MAML3: variants seen among roughly 807,000 people sequenced by gnomAD.
The protein encoded by MAML3 is mastermind like transcriptional coactivator 3.
Under a neutral mutation model 101.9 loss-of-function variants are expected in MAML3, and 27 were observed. The ratio of observed to expected loss-of-function variants is 0.27; its 90% CI spans 0.20 to 0.37. The LOEUF (loss-of-function observed/expected upper bound fraction) is 0.37. Among genes scored for constraint, MAML3 ranks in the 10% least tolerant of loss-of-function variants. The pLI is 1.00. For synonymous variants in MAML3, 501 were observed against 555.9 expected (o/e 0.90, Z 1.39); for missense variants, 1,316 against 1,444.9 (o/e 0.91, Z 1.45).
chr4:140,118,893 G>A (rs1020798731), intron 1 of MAML3, among the ~76,000 whole-genome samples: 4 of 152,042 alleles, frequency 2.6e-5, no homozygotes, highest in East Asian at 1.9e-4. Context: ...GGCCTCTGAC[G>A]GCACACACAG....
chr4:140,065,358 G>A (rs572472376), intron 1 of MAML3, among the ~76,000 whole-genome samples: 3 of 151,688 alleles, frequency 2.0e-5, no homozygotes, highest in East Asian at 1.9e-4. Context: ...TTATAGAAGC[G>A]GAAAGAAAAG....
At chr4:139,782,220 T>A (rs1054453311) in intron 2 of MAML3, among the ~76,000 whole-genome samples, 1 of 152,190 alleles carries the variant, frequency 6.6e-6, no homozygotes, top group Non-Finnish European at 1.5e-5. Flanking sequence ...TGGAGTGTAG[T>A]GGCACAATGA....
chr4:140,109,205 G>C (rs1184960625), intron 1 of MAML3, among the ~76,000 whole-genome samples: 1 of 152,104 alleles, frequency 6.6e-6, no homozygotes, highest in Non-Finnish European at 1.5e-5. Context: ...AACTATGCTT[G>C]ACAAAAAGGA....
intron 1 of MAML3, among the ~76,000 whole-genome samples, chr4:139,961,654 C>T (rs1001262426): frequency 1.3e-5 from 2 of 152,158 alleles, no homozygotes; most frequent in Non-Finnish European, 2.9e-5. Flanking sequence ...GCTGTTTTCA[C>T]GTGTGACTTC....
chr4:139,938,702 T>TA (rs1733549367), intron 1 of MAML3, among the ~76,000 whole-genome samples: 1 of 152,106 alleles, frequency 6.6e-6, no homozygotes, highest in Non-Finnish European at 1.5e-5. Context: ...ACTCTAAATT[T>TA]AAAAAAATGG....
intron 1 of MAML3, among the ~76,000 whole-genome samples, chr4:140,129,539 T>C (rs1406782525): frequency 6.6e-6 from 1 of 152,166 alleles, no homozygotes; most frequent in Non-Finnish European, 1.5e-5. Context: ...CTTGGTTCTC[T>C]GAAAAGACAG....
chr4:139,753,341 A>AATCAATCTATCT (rs1553954173), intron 2 of MAML3, among the ~76,000 whole-genome samples: 2 of 146,578 alleles, frequency 1.4e-5, no homozygotes, highest in Admixed American at 6.9e-5. Flanking sequence ...TTTTCTTTTT[A>AATCAATCTATCT]ATCTATCTAT....
At chr4:140,006,875 T>G (rs369107645) in intron 1 of MAML3, among the ~76,000 whole-genome samples, 22 of 152,296 alleles carry the variant, frequency 1.4e-4, no homozygotes, top group African/African-American at 5.3e-4. Flanking sequence ...TCCAAGTACT[T>G]TGGATATATT....
intron 1 of MAML3, among the ~76,000 whole-genome samples, chr4:140,035,237 G>T (rs556257622): frequency 6.6e-6 from 1 of 152,246 alleles, no homozygotes; most frequent in East Asian, 1.9e-4. Context: ...GTCTCCAAAA[G>T]TGCTGGGATT....
At chr4:139,806,159 T>C (rs1439322197) in intron 2 of MAML3, among the ~76,000 whole-genome samples, 2 of 152,170 alleles carry the variant, frequency 1.3e-5, no homozygotes, top group African/African-American at 4.8e-5. Flanking sequence ...ATAGTTTTCA[T>C]TGCATAAATT....
chr4:139,891,080 G>T, intron 1 of MAML3, 113 bp from the exon 2 acceptor site: 1 of 1,222,038 alleles, frequency 8.2e-7, no homozygotes, highest in Non-Finnish European at 1.1e-6. Flanking sequence ...CGACACACAG[G>T]AAAGAAGTCA....
intron 1 of MAML3, among the ~76,000 whole-genome samples, chr4:140,034,180 G>C (rs375769570): frequency 6.6e-6 from 1 of 152,294 alleles, no homozygotes; most frequent in South Asian, 2.1e-4. Context: ...GGGTTTCTGC[G>C]TTCTTGTCTA....
At chr4:139,744,544 T>C (rs992176005) in intron 2 of MAML3, among the ~76,000 whole-genome samples, 1 of 152,180 alleles carries the variant, frequency 6.6e-6, no homozygotes, top group African/African-American at 2.4e-5. Context: ...TAGAACACAA[T>C]GTGTGGCGTG....
At chr4:139,790,216 CAT>C (rs367675413) in intron 2 of MAML3, among the ~76,000 whole-genome samples, 3,810 of 110,190 alleles carry the variant, frequency 0.035, 75 homozygotes, top group Middle Eastern at 0.083. Context: ...ACCCTAGTGA[CAT>C]ATATATATAT....
chr4:139,941,542 TTGGTGG>T (rs1211508247), intron 1 of MAML3, among the ~76,000 whole-genome samples: 5 of 115,348 alleles, frequency 4.3e-5, no homozygotes, highest in South Asian at 2.6e-4. Context: ...GTTGTTGTTG[TTGGTGG>T]TGGTGGTGGT....
At position 139,757,609 on chromosome 4, in the gene MAML3, C is replaced by G. The variant is rs1729678635; in HGVS notation, c.2080-26942G>C. On this transcript the variant is annotated intron_variant, in intron 2 of 4. Coordinates refer to ENST00000509479, the MANE Select transcript of MAML3 (RefSeq NM_018717.5). ...AGTGAGTCAAGATTGCACCACTGCACTCCAGCCTGGATGACAGAGTGAGGC... is the reference window on the plus strand; with the variant it reads ...AGTGAGTCAAGATTGCACCACTGCAGTCCAGCCTGGATGACAGAGTGAGGC... Among the ~76,000 whole-genome samples the G allele has an allele frequency of 2.0e-5, 3 of 146,686 alleles. No individual in the cohort carries two copies. The South Asian group carries it at 6.5e-4, about 32-fold the overall frequency.
chr4:140,138,932 A>T (rs1205283319), intron 1 of MAML3, among the ~76,000 whole-genome samples: 1 of 152,182 alleles, frequency 6.6e-6, no homozygotes, highest in African/African-American at 2.4e-5. Flanking sequence ...TGTTAACAAG[A>T]TACTCCTATT....
intron 1 of MAML3, among the ~76,000 whole-genome samples, chr4:139,929,455 C>T (rs951532878): frequency 3.3e-5 from 5 of 152,178 alleles, no homozygotes; most frequent in Non-Finnish European, 5.9e-5. Flanking sequence ...GCTTTTACAA[C>T]AGAGCCATAT....
chr4:139,957,064 C>T, intron 1 of MAML3, among the ~76,000 whole-genome samples: 1 of 152,192 alleles, frequency 6.6e-6, no homozygotes, highest in Non-Finnish European at 1.5e-5. Flanking sequence ...TCCAACGTCA[C>T]ACAGCTGGAA....
Sources: allele counts gnomAD v4.1 joint callset (sites outside exome capture counted in the v4.1 genomes callset), GRCh38; gene constraint gnomAD v4.1.1; transcripts MANE v1.5; gene names NCBI Gene and HGNC (gene_info 2026-07-23, HGNC 2026-07-21).